Variants in METTL16 observed in about 807,000 individuals in gnomAD.
METTL16 encodes the protein methyltransferase 16, RNA N6-adenosine.
A neutral mutation model predicts 57.9 loss-of-function variants in METTL16; 19 were observed. The observed-to-expected ratio is 0.33, with a 90% confidence interval of 0.23 to 0.48. The LOEUF is 0.48. METTL16 is among the 20% of genes least tolerant of loss of function. The pLI, the probability that METTL16 is intolerant of heterozygous loss-of-function variation, is 0.99. For synonymous variants in METTL16, 246 were observed against 255.6 expected (o/e 0.96, Z 0.36); for missense variants, 434 against 691.5 (o/e 0.63, Z 4.18).
Position 2,464,213 on chromosome 17 carries a change from T to A in METTL16, c.723A>T (p.Arg241Ser), listed in dbSNP as rs763873249. The part of the protein sequence containing the change: ...IIHDSLQLKK[R>S]LRWYSCMLGK... ...TGTTGTAAAAACAGACTTACCTTAA[T>A]CTTTTTTTAAGTTGTAGACTGTCAT... is the stretch of plus-strand genomic sequence containing the variant. The change falls in exon 6 of 10, where the codon AGA becomes AGT. Residue 241 changes from arginine (R) to serine (S), a missense_variant. This residue lies in a region of METTL16 where 96 missense variants were observed against 138.3 expected (regional missense o/e 0.69). Coordinates refer to ENST00000263092, the MANE Select transcript of METTL16 (RefSeq NM_024086.4). The A allele has an allele frequency of 2.3e-5, 37 of 1,610,236 alleles. No individual in the cohort carries two copies. The highest frequency in any genetic ancestry group is 3.1e-5 in the Non-Finnish European group (36 of 1,178,906).
intron 8 of METTL16, chr17:2,424,192 C>T (rs1459144905): frequency 6.7e-6 from 1 of 150,010 alleles, no homozygotes; most frequent in Non-Finnish European, 1.5e-5. Flanking sequence ...CGGCTCACTG[C>T]AAGCTCCGCC....
chr17:2,441,312 T>C (rs1329476123), intron 7 of METTL16, among the ~76,000 whole-genome samples, 178 bp downstream of exon 7: 1 of 151,992 alleles, frequency 6.6e-6, no homozygotes, highest in Non-Finnish European at 1.5e-5. Context: ...GGAGACCGGG[T>C]GACGGGAGGT....
At position 2,502,349 on chromosome 17, in the gene METTL16, A is replaced by T; in HGVS notation, c.1-18T>A. On this transcript the variant is annotated intron_variant, in intron 1 of 9. Coordinates refer to ENST00000263092, the MANE Select transcript of METTL16 (RefSeq NM_024086.4). The stretch of plus-strand genomic sequence containing the variant: ...AGAGCCATCTTAAGGAGAGAAAGAG[A>T]GAAAGAAAATCAGCATATTTATTAA... 6.2e-7 allele frequency: 1 copy of T among 1,608,886 alleles called. No individual in the cohort carries two copies. The highest frequency in any genetic ancestry group is 1.1e-5 in the South Asian group (1 of 90,684).
At chr17:2,435,520 G>A (rs1022996592) in intron 8 of METTL16, among the ~76,000 whole-genome samples, 3 of 152,138 alleles carry the variant, frequency 2.0e-5, no homozygotes, top group African/African-American at 7.2e-5. Context: ...CGACCCCCTG[G>A]GGAAAGCAGT....
chr17:2,469,407 T>C (rs756050679), intron 4 of METTL16, among the ~76,000 whole-genome samples: 1 of 152,094 alleles, frequency 6.6e-6, no homozygotes, highest in African/African-American at 2.4e-5. Context: ...TAAAGAGACA[T>C]AAAATCTCTT....
At chr17:2,444,970 C>T (rs2066984075) in intron 6 of METTL16, among the ~76,000 whole-genome samples, 2 of 152,016 alleles carry the variant, frequency 1.3e-5, no homozygotes, top group Admixed American at 6.6e-5. Flanking sequence ...CCCACTTAGG[C>T]CTCTCAAAGT....
chr17:2,423,237 G>A (rs911543045), intron 8 of METTL16, among the ~76,000 whole-genome samples: 1 of 149,386 alleles, frequency 6.7e-6, no homozygotes, highest in African/African-American at 2.5e-5. Flanking sequence ...CTAGGAAACT[G>A]TTAGGGAAGG....
At chr17:2,506,051 T>C (rs2067530471) in intron 1 of METTL16, among the ~76,000 whole-genome samples, 1 of 151,968 alleles carries the variant, frequency 6.6e-6, no homozygotes, top group Non-Finnish European at 1.5e-5. Context: ...CACTGCAACG[T>C]CTGCCTCCCG....
chr17:2,441,765 AAAT>A (rs2066953858), intron 6 of METTL16, among the ~76,000 whole-genome samples: 1 of 152,104 alleles, frequency 6.6e-6, no homozygotes, highest in Non-Finnish European at 1.5e-5. Flanking sequence ...CTTAAAAAAT[AAAT>A]AAATAAATAA....
intron 8 of METTL16, among the ~76,000 whole-genome samples, chr17:2,426,014 T>G (rs1226431763): frequency 6.8e-6 from 1 of 147,636 alleles, no homozygotes; most frequent in Non-Finnish European, 1.5e-5. Context: ...TATGTCTCCG[T>G]TAATTATGGC....
Position 2,473,376 on chromosome 17 carries a change from G to C in METTL16, c.469+148C>G, listed in dbSNP as rs144046870. The stretch of plus-strand genomic sequence containing the variant: ...GTTACTATTTTCTGAGTTAATTCTG[G>C]TATCAAGACAGCAAACCCAATTACA... On this transcript the variant is annotated intron_variant, in intron 4 of 9. Transcript: ENST00000263092. 139 of 695,506 alleles carry C rather than the reference G, an allele frequency of 2.0e-4. No individual in the cohort carries two copies. The East Asian group carries it at 3.1e-3, about 16-fold the overall frequency. 43.1% of individuals were successfully genotyped at this position (695,506 alleles called of 1,614,324 possible).
intron 5 of METTL16, among the ~76,000 whole-genome samples, chr17:2,466,856 G>A (rs1332145705): frequency 1.3e-5 from 2 of 151,562 alleles, no homozygotes; most frequent in Non-Finnish European, 2.9e-5. Flanking sequence ...AGGCTGGAGT[G>A]CAGTAACACG....
chr17:2,486,826 A>C (rs1331932075), intron 2 of METTL16, among the ~76,000 whole-genome samples: 1 of 151,566 alleles, frequency 6.6e-6, no homozygotes, highest in Non-Finnish European at 1.5e-5. Flanking sequence ...TACAAAAATT[A>C]GTCAGTGTGG....
chr17:2,444,221 C>T (rs899391849), intron 6 of METTL16, among the ~76,000 whole-genome samples: 9 of 151,986 alleles, frequency 5.9e-5, no homozygotes, highest in Admixed American at 1.3e-4. Context: ...GAGGCTAAGG[C>T]GGCAGATCAC....
intron 2 of METTL16, among the ~76,000 whole-genome samples, chr17:2,478,927 C>T (rs1174236921): frequency 6.6e-6 from 1 of 152,120 alleles, no homozygotes; most frequent in Non-Finnish European, 1.5e-5. Flanking sequence ...TTGACCATCA[C>T]GAACAATGCT....
chr17:2,481,024 G>T (rs1383667554), intron 2 of METTL16, among the ~76,000 whole-genome samples: 2 of 152,038 alleles, frequency 1.3e-5, no homozygotes, highest in African/African-American at 4.8e-5. Context: ...CCAACATGGT[G>T]CAACTCCATC....
At chr17:2,445,618 T>A (rs1040676925) in intron 6 of METTL16, among the ~76,000 whole-genome samples, 1 of 151,950 alleles carries the variant, frequency 6.6e-6, no homozygotes. Flanking sequence ...AAACCCCGCC[T>A]CTACTGAAAA....
At chr17:2,457,325 G>A (rs768510666) in intron 6 of METTL16, among the ~76,000 whole-genome samples, 9 of 128,512 alleles carry the variant, frequency 7.0e-5, no homozygotes, top group Admixed American at 1.8e-4. Context: ...ACGACAGAGC[G>A]AGACTCCGTC....
At chr17:2,429,776 GAACA>G (rs1441071677) in intron 8 of METTL16, among the ~76,000 whole-genome samples, 4 of 151,282 alleles carry the variant, frequency 2.6e-5, no homozygotes, top group Admixed American at 6.6e-5. Flanking sequence ...CAAAAAAAAA[GAACA>G]ATCAACCCTG....
Sources: allele counts gnomAD v4.1 joint callset (sites outside exome capture counted in the v4.1 genomes callset), GRCh38; gene constraint gnomAD v4.1.1; regional missense constraint gnomAD v4.1.1; transcripts MANE v1.5; gene names NCBI Gene and HGNC (gene_info 2026-07-23, HGNC 2026-07-21).